The following LIG1 variants were observed in gnomAD, a reference collection of about 807,000 sequenced individuals.
LIG1 encodes DNA ligase 1, also known as ligase I, DNA, ATP-dependent.
In LIG1, 70 loss-of-function variants were observed where a neutral mutation model predicts 115.7. The ratio of observed to expected loss-of-function variants is 0.60; its 90% confidence interval spans 0.50 to 0.74. The LOEUF (loss-of-function observed/expected upper bound fraction) is 0.74, where lower values mean the gene tolerates loss of function less well. LIG1 is among the 30% of genes least tolerant of loss of function. The pLI is 0.00. For missense variants in LIG1, 1,115 were observed against 1,225.6 expected (o/e 0.91, Z 1.35); for synonymous variants, 487 against 495.3 (o/e 0.98, Z 0.22).
intron 2 of LIG1, 103 bp downstream of exon 2, chr19:48,165,447 G>C (rs528690001): frequency 2.1e-6 from 2 of 966,738 alleles, no homozygotes; most frequent in Non-Finnish European, 3.4e-6. Flanking sequence ...AAAATCTAAC[G>C]TAAGAGTTTT....
chr19:48,127,790 G>A, intron 20 of LIG1, 120 bp downstream of exon 20: 2 of 859,034 alleles, frequency 2.3e-6, no homozygotes, highest in Non-Finnish European at 4.1e-6. Flanking sequence ...AGAAGGCTGA[G>A]AGAAGTGCAT....
chr19:48,161,215 G>A, intron 4 of LIG1, 157 bp downstream of exon 4: 2 of 1,074,712 alleles, frequency 1.9e-6, no homozygotes, highest in South Asian at 2.6e-5. Context: ...GGGCAATTAG[G>A]ACCAGGTTGT....
intron 2 of LIG1, among the ~76,000 whole-genome samples, chr19:48,163,975 C>T (rs912064737): frequency 6.9e-5 from 10 of 143,972 alleles, no homozygotes; most frequent in South Asian, 6.7e-4. Flanking sequence ...TGTTGGAAGG[C>T]GTGAACATTA....
intron 12 of LIG1, among the ~76,000 whole-genome samples, chr19:48,139,434 T>C (rs1242901625): frequency 1.3e-5 from 2 of 152,262 alleles, no homozygotes; most frequent in East Asian, 3.9e-4. Context: ...CTCTTCCCCC[T>C]GGATGCTGCC....
chr19:48,163,106 C>T (rs938445068), intron 2 of LIG1, among the ~76,000 whole-genome samples: 22 of 151,262 alleles, frequency 1.5e-4, no homozygotes, highest in African/African-American at 4.4e-4. Context: ...TTGGTAGACA[C>T]GGGTTTTCTC....
chr19:48,131,307 ATCATCTCC>A, intron 18 of LIG1, 136 bp from the exon 19 acceptor site: 1 of 680,180 alleles, frequency 1.5e-6, no homozygotes, highest in Non-Finnish European at 2.7e-6. Context: ...ACTTGAGCGA[ATCATCTCC>A]TCAGTTCCAA....
chr19:48,161,399 ATCC>A lies in LIG1; in HGVS notation c.213_215del (p.Glu71del). 5.0e-6 allele frequency: 8 copies of A among 1,614,086 alleles called. No homozygotes were observed. The highest frequency in any genetic ancestry group is 6.8e-6 in the Non-Finnish European group (8 of 1,180,014). ...GGCCTTTAGCAGGGCTAAGGGCTTC[ATCC>A]TCCTCTTCCCCTTCGCTGCCCAGGA... On this transcript the variant is annotated inframe_deletion, in exon 4 of 28. Coordinates refer to ENST00000263274, the MANE Select transcript of LIG1 (RefSeq NM_000234.3).
chr19:48,133,989 A>G lies in LIG1; in HGVS notation c.1601T>C (p.Leu534Pro). The G allele has an allele frequency of 6.4e-7, 1 of 1,553,966 alleles. No homozygotes were observed. The change falls in exon 17 of 28, where the codon CTG becomes CCG. Residue 534 changes from leucine (L) to proline (P), a missense_variant. Transcript: ENST00000263274. ...GLERLPEHCKLSPGIPLKPML... is the reference protein window; with the variant it reads ...GLERLPEHCKPSPGIPLKPML... The stretch of plus-strand genomic sequence containing the variant: ...GCCCCTGGGGCCTGTACCTGGGCTC[A>G]GCTTGCAGTGCTCCGGGAGACGTTC...
intron 18 of LIG1, among the ~76,000 whole-genome samples, chr19:48,131,730 C>T (rs2034035858): frequency 6.6e-6 from 1 of 152,194 alleles, no homozygotes; most frequent in African/African-American, 2.4e-5. Context: ...TGAGCCACTG[C>T]GCCCAGCCTC....
Position 48,117,725 on chromosome 19 carries a change from G to A in LIG1, c.2496C>T (p.Pro832=), listed in dbSNP as rs373220034. Residue 832 remains proline, a synonymous_variant, in exon 26 of 28, where the codon CCC becomes CCT. Transcript: ENST00000263274. The stretch of plus-strand genomic sequence containing the variant: ...CAGCGCTGGGGTCCAGCCAGTGGTC[G>A]GGAATCACAGCGCCATCTATCCGCA... ...PYVRIDGAVI[P]DHWLDPSAVW... The A allele has an allele frequency of 8.7e-5, 141 of 1,612,906 alleles. No homozygotes were observed. The highest frequency in any genetic ancestry group is 1.9e-4 in the South Asian group (17 of 90,630).
Position 48,150,198 on chromosome 19 carries a change from G to A in LIG1, c.587C>T (p.Pro196Leu), listed in dbSNP as rs377419114. 54 of 1,614,018 alleles carry A rather than the reference G, an allele frequency of 3.3e-5. 1 individual carries two copies. In the Middle Eastern group the frequency reaches 4.9e-4, roughly 15 times the overall value. Residue 196 changes from proline to leucine, a missense_variant, in exon 8 of 28, where the codon CCG becomes CTG. Transcript: ENST00000263274. ...CTCAGGCTCTGAAACGCTTTCCGTC[G>A]GGGTCTCTGCTTCTGCGGTGAGAGA... ...KPLKTSKAET[P>L]TESVSEPEVA... is the part of the protein sequence containing the mutation.
rs542028224 is a variant in LIG1 at position 48,117,759 on chromosome 19, C to T, written c.2462G>A (p.Arg821His). ...SLKALVLPSP[R>H]PYVRIDGAVI... ...AGCGCCATCTATCCGCACGTAAGGGCGTGGGCTGGGCAGCACCAGCGCCTG... is the reference window on the plus strand; with the variant it reads ...AGCGCCATCTATCCGCACGTAAGGGTGTGGGCTGGGCAGCACCAGCGCCTG... Residue 821 changes from arginine (R) to histidine (H), a missense_variant, in exon 26 of 28, where the codon CGC becomes CAC. Coordinates refer to ENST00000263274, the MANE Select transcript of LIG1 (RefSeq NM_000234.3). 29 of 1,613,004 alleles carry T rather than the reference C, an allele frequency of 1.8e-5. No individual in the cohort carries two copies. Among genetic ancestry groups the T allele is most frequent in the Middle Eastern group, 1.6e-4 (1 of 6,062 alleles).
chr19:48,169,905 CAG>C (rs2036696313), intron 1 of LIG1: 1 of 112,630 alleles, frequency 8.9e-6, no homozygotes, highest in Non-Finnish European at 1.8e-5. Context: ...CCCGCCCACA[CAG>C]TTTTCCCCCC....
At position 48,137,430 on chromosome 19, in the gene LIG1, CTGA is replaced by C; in HGVS notation, c.1254+89_1254+91del. Reference sequence around the variant, plus strand: ...CATGAGAAGGACTGATGCGACCCAGCTGATGGTCTACCCAGAAGCCTTCCTGAC... The same window carrying C: ...CATGAGAAGGACTGATGCGACCCAGCTGGTCTACCCAGAAGCCTTCCTGAC... On this transcript the variant is annotated intron_variant, in intron 13 of 27. Coordinates refer to ENST00000263274, the MANE Select transcript of LIG1 (RefSeq NM_000234.3). This position sits in a 1 kb window ranked among gnomAD's most constrained non-coding sequence, Gnocchi z 4.3. 1 of 1,511,692 alleles carries C rather than the reference CTGA, an allele frequency of 6.6e-7. No homozygotes were observed. Among genetic ancestry groups the C allele is most frequent in the Middle Eastern group, 2.3e-4 (1 of 4,430 alleles). The allele number at this position is 1,511,692 out of a possible 1,614,324, so 93.6% of individuals were successfully genotyped here. A position where few individuals can be genotyped will look rare whatever the true frequency, so the allele number is the denominator to read the frequency against.
chr19:48,168,067 A>G (rs2036575635), intron 1 of LIG1, among the ~76,000 whole-genome samples: 2 of 152,156 alleles, frequency 1.3e-5, no homozygotes, highest in Non-Finnish European at 2.9e-5. Flanking sequence ...GACTCTCCAC[A>G]ACAACTCTGT....
At chr19:48,123,377 G>A (rs1273664374) in intron 21 of LIG1, 59 bp from the exon 22 acceptor site, 1 of 1,589,316 alleles carries the variant, frequency 6.3e-7, no homozygotes, top group Non-Finnish European at 8.6e-7. Context: ...AAGACAATAA[G>A]CCCTAAATGT....
Position 48,120,674 on chromosome 19 carries a change from T to C in LIG1, c.2385+496A>G, listed in dbSNP as rs1433144066. 5.4e-6 allele frequency: 3 copies of C among 551,004 alleles called. No homozygotes were observed. The African/African-American group carries it at 6.1e-5, about 11-fold the overall frequency. The allele number at this position is 551,004 out of a possible 1,614,324, so 34.1% of individuals were successfully genotyped here. A position where few individuals can be genotyped will look rare whatever the true frequency, so the allele number is the denominator to read the frequency against. ...CAGAACTTGAGCAGAAGGTGTTCAC[T>C]GGCTGAGGCTGACTCAGGGTCCAAC... is the stretch of plus-strand genomic sequence containing the variant. On this transcript the variant is annotated intron_variant, in intron 24 of 27. Transcript: ENST00000263274.
At chr19:48,121,013 C>T (rs2122345373) in intron 24 of LIG1, 157 bp downstream of exon 24, 1 of 1,509,234 alleles carries the variant, frequency 6.6e-7, no homozygotes, top group Non-Finnish European at 8.8e-7. Flanking sequence ...GCAAGAGTTG[C>T]TCATAGAACC....
rs3731005 is a variant in LIG1 at position 48,127,549 on chromosome 19, C to G, written c.1933-201G>C. Reference sequence around the variant, plus strand: ...ATTCCGACAACCTCATTCCCCTTCACCAGATATTTGCTCTCCTAGACTTTT... The same window carrying G: ...ATTCCGACAACCTCATTCCCCTTCAGCAGATATTTGCTCTCCTAGACTTTT... On this transcript the variant is annotated intron_variant, in intron 20 of 27. Transcript: ENST00000263274. 3.4e-3 allele frequency: 2,146 copies of G among 623,434 alleles called. 39 individuals carry two copies. The highest frequency in any genetic ancestry group is 0.034 in the African/African-American group (1,885 of 55,140). 38.6% of individuals were successfully genotyped at this position (623,434 alleles called of 1,614,324 possible). A position where few individuals can be genotyped will look rare whatever the true frequency, so the allele number is the denominator to read the frequency against.
Sources: gnomAD v4.1 joint callset for allele counts (sites outside exome capture counted in the v4.1 genomes callset) on GRCh38, gnomAD v4.1.1 for gene constraint, Gnocchi (gnomAD v3.1) non-coding constraint, MANE v1.5 for transcripts, NCBI Gene and HGNC (gene_info 2026-07-23, HGNC 2026-07-21) for gene names.